Variants in NTM observed in about 807,000 individuals in gnomAD.
NTM encodes neurotrimin.
Under a neutral mutation model 42.1 loss-of-function variants are expected in NTM, and 13 were observed. The ratio of observed to expected loss-of-function variants is 0.31; its 90% CI spans 0.20 to 0.49. The LOEUF (loss-of-function observed/expected upper bound fraction) is 0.49, where lower values mean the gene tolerates loss of function less well. NTM is among the 20% of genes least tolerant of loss of function. The pLI, the probability that NTM is intolerant of heterozygous loss-of-function variation, is 0.99. For synonymous variants in NTM, 187 were observed against 179.2 expected (o/e 1.04, Z -0.35); for missense variants, 373 against 452.8 (o/e 0.82, Z 1.60).
At chr11:132,331,473 G>A (rs2136452815) in intron 8 of NTM, among the ~76,000 whole-genome samples, 1 of 152,258 alleles carries the variant, frequency 6.6e-6, no homozygotes, top group South Asian at 2.1e-4. Context: ...TATGAAAAAA[G>A]TTTTTGTTTT....
At chr11:131,676,590 A>G (rs751261137) in intron 1 of NTM, among the ~76,000 whole-genome samples, 9 of 152,224 alleles carry the variant, frequency 5.9e-5, no homozygotes, top group Non-Finnish European at 1.2e-4. Context: ...TCACAATTCC[A>G]TATTTTCAGG....
intron 1 of NTM, among the ~76,000 whole-genome samples, chr11:131,675,374 A>G (rs2071197938): frequency 6.6e-6 from 1 of 152,186 alleles, no homozygotes. Context: ...ATAATAATTC[A>G]TTAGTATCTT....
chr11:131,476,007 T>G lies in NTM; in HGVS notation c.82+105119T>G, dbSNP rs1952896636. ...CTTGGCAGGTACTCAGGATAAATAT[T>G]TGTGGAAGGAAGGAAGGAGTGAAGG... On this transcript the variant is annotated intron_variant, in intron 1 of 8. Transcript: ENST00000683400. Among the ~76,000 whole-genome samples the G allele has an allele frequency of 2.0e-5, 3 of 151,982 alleles. No homozygotes were observed. The South Asian group carries it at 6.2e-4, about 32-fold the overall frequency.
At chr11:131,751,556 C>CT (rs903220669) in intron 1 of NTM, among the ~76,000 whole-genome samples, 4 of 150,434 alleles carry the variant, frequency 2.7e-5, no homozygotes, top group African/African-American at 9.8e-5. Flanking sequence ...TGCCACTGCA[C>CT]TCTGGCCTGG....
chr11:131,705,480 G>A (rs779376577), intron 1 of NTM, among the ~76,000 whole-genome samples: 10 of 152,096 alleles, frequency 6.6e-5, no homozygotes, highest in Non-Finnish European at 1.0e-4. Context: ...GCTCAAATAA[G>A]TTCTTCAAGT....
chr11:131,594,681 T>A (rs557450979), intron 1 of NTM, among the ~76,000 whole-genome samples: 2 of 152,198 alleles, frequency 1.3e-5, no homozygotes, highest in Non-Finnish European at 2.9e-5. Flanking sequence ...TTTATAGGCA[T>A]GAGCCACCAT....
chr11:132,161,625 C>G (rs537583251), intron 3 of NTM, among the ~76,000 whole-genome samples: 3 of 151,996 alleles, frequency 2.0e-5, no homozygotes, highest in African/African-American at 2.4e-5. Context: ...CTTCCTCCCC[C>G]CAACTTTCTT....
At chr11:132,050,833 T>C (rs893600516) in intron 2 of NTM, among the ~76,000 whole-genome samples, 1 of 152,234 alleles carries the variant, frequency 6.6e-6, no homozygotes, top group Non-Finnish European at 1.5e-5. Flanking sequence ...TCTTCTCTTT[T>C]GGCCTTATTT....
chr11:131,613,071 G>C (rs1248107688), intron 1 of NTM, among the ~76,000 whole-genome samples: 1 of 152,222 alleles, frequency 6.6e-6, no homozygotes, highest in Non-Finnish European at 1.5e-5. Flanking sequence ...TCCCTGGTCT[G>C]TCCTCCTCAT....
At chr11:131,703,650 G>C (rs1241543573) in intron 1 of NTM, among the ~76,000 whole-genome samples, 3 of 152,230 alleles carry the variant, frequency 2.0e-5, no homozygotes, top group African/African-American at 7.2e-5. Flanking sequence ...AAAGAATCCA[G>C]ATGAGAGGCC....
chr11:131,595,834 C>A (rs908613776), intron 1 of NTM, among the ~76,000 whole-genome samples: 1 of 152,202 alleles, frequency 6.6e-6, no homozygotes, highest in Non-Finnish European at 1.5e-5. Context: ...TACTTCAGAG[C>A]AGATTCAGGG....
chr11:131,859,143 C>T (rs749049506), intron 1 of NTM, among the ~76,000 whole-genome samples: 2 of 152,168 alleles, frequency 1.3e-5, no homozygotes, highest in Admixed American at 1.3e-4. Flanking sequence ...TCCATTCATC[C>T]GAGAGACACA....
At chr11:131,620,670 G>A (rs896573318) in intron 1 of NTM, among the ~76,000 whole-genome samples, 6 of 152,176 alleles carry the variant, frequency 3.9e-5, no homozygotes, top group African/African-American at 1.2e-4. Context: ...TGGGCTGCTC[G>A]CTGACTTCAC....
chr11:132,103,146 G>T lies in NTM; in HGVS notation c.168-43136G>T, dbSNP rs543762661. Among the ~76,000 whole-genome samples, 5 of 152,322 alleles carry T rather than the reference G, an allele frequency of 3.3e-5. No individual in the cohort carries two copies. In the East Asian group the frequency reaches 9.7e-4, roughly 30 times the overall value. ...TGTTTCTGGAGGTGACCGCCTGGGC[G>T]CACACAGGCGCAGGCAGCACCTCCT... On this transcript the variant is annotated intron_variant, in intron 2 of 8. Coordinates refer to ENST00000683400, the MANE Select transcript of NTM (RefSeq NM_001352005.2).
At chr11:131,736,574 T>G (rs2080472237) in intron 1 of NTM, among the ~76,000 whole-genome samples, 1 of 152,174 alleles carries the variant, frequency 6.6e-6, no homozygotes, top group Non-Finnish European at 1.5e-5. Flanking sequence ...TTCTGTTCCA[T>G]CTTATTTGAC....
At chr11:131,720,969 C>T (rs984548024) in intron 1 of NTM, among the ~76,000 whole-genome samples, 48 of 152,092 alleles carry the variant, frequency 3.2e-4, no homozygotes, top group African/African-American at 1.2e-3. Flanking sequence ...TATTATCATC[C>T]TTGCCTTCCT....
At chr11:131,608,844 C>T (rs944383999) in intron 1 of NTM, among the ~76,000 whole-genome samples, 5 of 152,084 alleles carry the variant, frequency 3.3e-5, no homozygotes, top group South Asian at 2.1e-4. Context: ...TCTTCAGGGA[C>T]GCTGGATTCA....
At chr11:131,974,904 G>A (rs972712085) in intron 2 of NTM, among the ~76,000 whole-genome samples, 1 of 152,102 alleles carries the variant, frequency 6.6e-6, no homozygotes, top group South Asian at 2.1e-4. Context: ...CTTTTGAAAA[G>A]GCTAAAACAT....
intron 7 of NTM, 24 bp downstream of exon 7, chr11:132,314,727 CAAGAAGA>C (rs747933583): frequency 1.9e-6 from 3 of 1,598,622 alleles, no homozygotes; most frequent in Non-Finnish European, 2.6e-6. Context: ...CTGAGCTGGG[CAAGAAGA>C]GGGGAGAGGG....
Sources: gnomAD v4.1 joint callset for allele counts (sites outside exome capture counted in the v4.1 genomes callset) on GRCh38, gnomAD v4.1.1 for gene constraint, MANE v1.5 for transcripts, NCBI Gene and HGNC (gene_info 2026-07-23, HGNC 2026-07-21) for gene names.